Variants in SLC26A3 observed in about 807,000 individuals in gnomAD.
SLC26A3 encodes the protein solute carrier family 26 member 3, also known as chloride anion exchanger.
SLC26A3 carries 64 observed loss-of-function variants against 85.6 expected under a neutral mutation model. The observed-to-expected ratio is 0.75, with a 90% confidence interval of 0.61 to 0.92. SLC26A3 has a LOEUF of 0.92. Among genes scored for constraint, SLC26A3 ranks in the 40% least tolerant of loss-of-function variants. SLC26A3 has a pLI of 0.00. For synonymous variants in SLC26A3, 349 were observed against 336.0 expected (o/e 1.04, Z -0.42); for missense variants, 922 against 927.3 (o/e 0.99, Z 0.07).
rs762034228 is a variant in SLC26A3 at position 107,773,921 on chromosome 7, G to A, written c.2006C>T (p.Ser669Leu). 15 of 1,607,286 alleles carry A rather than the reference G, an allele frequency of 9.3e-6. No homozygotes were observed. Among genetic ancestry groups the A allele is most frequent in the Admixed American group, 5.0e-5 (3 of 59,960 alleles). ...TTCCATTAAGAACAAAGAAATTACC[G>A]ATTTAAGGCCCCTCACTGAAGAAAC... ...LDVSSVRGLK[S>L]ILQEFIRIKV... Residue 669 changes from serine to leucine, a missense_variant and splice_region_variant, in exon 17 of 21, where the codon TCG (serine) becomes TTG (leucine). Physicochemically the swap from Ser to Leu is moderately radical, Grantham distance 145 (BLOSUM62 -2). Transcript: ENST00000340010.
chr7:107,797,854 C>G (rs1478160079), intron 1 of SLC26A3, among the ~76,000 whole-genome samples: 1 of 150,944 alleles, frequency 6.6e-6, no homozygotes, highest in African/African-American at 2.4e-5. Flanking sequence ...CTTTTTTCAC[C>G]TGAACAAGTT....
rs781397312 is a variant in SLC26A3, at chr7:107,783,314, T to C, written c.1010A>G (p.Gln337Arg). Residue 337 changes from glutamine to arginine, a missense_variant, in exon 9 of 21, where the codon CAA becomes CGA. Coordinates refer to ENST00000340010, the MANE Select transcript of SLC26A3 (RefSeq NM_000111.3). ...PPITPDVETF[Q>R]NTVGDCFGIA... ...GCCGAAGCAATCTCCTACGGTGTTT[T>C]GGAAAGTCTCCACGTCAGGTGTAAT... 4 of 1,614,082 alleles carry C rather than the reference T, an allele frequency of 2.5e-6. No homozygotes were observed. The East Asian group carries it at 8.9e-5, about 36-fold the overall frequency.
chr7:107,769,983 T>C (rs900379140), intron 18 of SLC26A3, among the ~76,000 whole-genome samples: 14 of 146,108 alleles, frequency 9.6e-5, no homozygotes, highest in South Asian at 2.3e-4. Context: ...CTCCCTCCCT[T>C]CCTTCCTTCC....
intron 1 of SLC26A3, among the ~76,000 whole-genome samples, chr7:107,797,148 C>T (rs1794518993): frequency 6.6e-6 from 1 of 152,140 alleles, no homozygotes; most frequent in Non-Finnish European, 1.5e-5. Context: ...CCTCCTCATA[C>T]CCAAGCACTG....
At chr7:107,800,279 G>C (rs1794578130) in intron 1 of SLC26A3, among the ~76,000 whole-genome samples, 1 of 152,188 alleles carries the variant, frequency 6.6e-6, no homozygotes, top group Non-Finnish European at 1.5e-5. Context: ...GAGATTGCTT[G>C]AGGCCAGGAG....
At chr7:107,786,116 A>G (rs1794289937) in intron 8 of SLC26A3, among the ~76,000 whole-genome samples, 1 of 152,158 alleles carries the variant, frequency 6.6e-6, no homozygotes, top group African/African-American at 2.4e-5. Flanking sequence ...GGGAGAAAGG[A>G]CAGAGTGTGC....
chr7:107,795,460 C>T (rs1192743905), intron 1 of SLC26A3, among the ~76,000 whole-genome samples: 1 of 152,190 alleles, frequency 6.6e-6, no homozygotes. Flanking sequence ...TTTAAATGCA[C>T]ATTACCAAGT....
At chr7:107,790,966 CA>C (rs980790965) in intron 5 of SLC26A3, 81 bp downstream of exon 5, 7 of 1,417,992 alleles carry the variant, frequency 4.9e-6, no homozygotes, top group South Asian at 1.2e-5. Context: ...GGAGGAGTGG[CA>C]GGGGGGAGGA....
intron 20 of SLC26A3, among the ~76,000 whole-genome samples, chr7:107,766,610 A>G (rs1462664832): frequency 6.6e-6 from 1 of 152,114 alleles, no homozygotes; most frequent in Non-Finnish European, 1.5e-5. Context: ...GATTTATCTT[A>G]TGCTCTACAT....
At chr7:107,792,928 A>C (rs946555225) in intron 3 of SLC26A3, among the ~76,000 whole-genome samples, 2 of 152,246 alleles carry the variant, frequency 1.3e-5, no homozygotes, top group African/African-American at 4.8e-5. Flanking sequence ...AAAATGGATA[A>C]AAACTTTGAA....
In SLC26A3 at chr7:107,783,282, T is replaced by C; in HGVS notation, c.1042A>G (p.Met348Val). The C allele has an allele frequency of 3.1e-6, 5 of 1,614,210 alleles. No homozygotes were observed. Among genetic ancestry groups the C allele is most frequent in the Non-Finnish European group, 4.2e-6 (5 of 1,180,022 alleles). ...GAAAAGGCCACTGCAAATGCAACCA[T>C]TGCGATGCCGAAGCAATCTCCTACG... is the stretch of plus-strand genomic sequence containing the variant. The part of the protein sequence containing the change: ...NTVGDCFGIA[M>V]VAFAVAFSVA... The change falls in exon 9 of 21, where the codon ATG (methionine) becomes GTG (valine). Residue 348 changes from methionine (M) to valine (V), a missense_variant. Met to Val is a conservative substitution (Grantham distance 21). Coordinates refer to ENST00000340010, the MANE Select transcript of SLC26A3 (RefSeq NM_000111.3).
intron 1 of SLC26A3, among the ~76,000 whole-genome samples, chr7:107,797,842 C>A (rs1794536243): frequency 6.7e-6 from 1 of 148,820 alleles, no homozygotes; most frequent in Admixed American, 6.8e-5. Flanking sequence ...ATTGTTTAAA[C>A]TCTTTTTTCA....
chr7:107,796,842 A>G (rs1025942664), intron 1 of SLC26A3, among the ~76,000 whole-genome samples: 2 of 141,188 alleles, frequency 1.4e-5, no homozygotes, highest in South Asian at 2.2e-4. Context: ...TATGGCCAGG[A>G]AAAAAAAAAA....
At chr7:107,783,131 G>A (rs1325076929) in intron 9 of SLC26A3, 38 bp from the exon 10 acceptor site, 10 of 1,612,474 alleles carry the variant, frequency 6.2e-6, no homozygotes, top group South Asian at 1.1e-5. Context: ...TTCAGAAGTG[G>A]CACCATTGAT....
rs768769355 is a variant in SLC26A3, at chr7:107,774,869, C to A, written c.1681G>T (p.Gly561Cys). The A allele has an allele frequency of 2.5e-6, 4 of 1,613,574 alleles. No individual in the cohort carries two copies. In the East Asian group the frequency reaches 8.9e-5, roughly 36 times the overall value. ...FFRRKLIDAV[G>C]FSPLRILRKR... Reference sequence around the variant, plus strand: ...CGTAGAATTCGAAGTGGACTAAAGCCAACCTGAGAAACCCATTGCTGTGTT... The same window carrying A: ...CGTAGAATTCGAAGTGGACTAAAGCAAACCTGAGAAACCCATTGCTGTGTT... The change falls in exon 16 of 21, where the codon GGC becomes TGC. Residue 561 changes from glycine (G) to cysteine (C), a missense_variant. By Grantham distance (159) the Gly-to-Cys change is radical (BLOSUM62 -3). Coordinates refer to ENST00000340010, the MANE Select transcript of SLC26A3 (RefSeq NM_000111.3).
At chr7:107,800,801 G>T (rs897055572) in intron 1 of SLC26A3, among the ~76,000 whole-genome samples, 3 of 152,238 alleles carry the variant, frequency 2.0e-5, no homozygotes, top group African/African-American at 7.2e-5. Flanking sequence ...GTAAATGTGG[G>T]TTGGAGTTAG....
intron 8 of SLC26A3, among the ~76,000 whole-genome samples, chr7:107,785,075 T>A (rs1794270695): frequency 6.6e-6 from 1 of 152,158 alleles, no homozygotes; most frequent in Non-Finnish European, 1.5e-5. Flanking sequence ...AAATGGAGCA[T>A]AAAAAGCTCA....
intron 18 of SLC26A3, among the ~76,000 whole-genome samples, chr7:107,770,140 C>T (rs1470234563): frequency 1.0e-4 from 6 of 57,588 alleles, no homozygotes; most frequent in Non-Finnish European, 1.1e-4. Context: ...TTCTTTCTCT[C>T]TTTCTTTTCT....
At chr7:107,791,335 G>T in intron 4 of SLC26A3, 100 bp from the exon 5 acceptor site, 1 of 1,294,814 alleles carries the variant, frequency 7.7e-7, no homozygotes, top group Non-Finnish European at 1.1e-6. Flanking sequence ...GGCAAGGCTG[G>T]GCGTGGTGGC....
Sources: gnomAD v4.1 joint callset for allele counts (sites outside exome capture counted in the v4.1 genomes callset) on GRCh38, gnomAD v4.1.1 for gene constraint, MANE v1.5 for transcripts, NCBI Gene and HGNC (gene_info 2026-07-23, HGNC 2026-07-21) for gene names.